MAZ: variants seen among roughly 807,000 people sequenced by gnomAD.
MAZ encodes myc-associated zinc finger protein.
Under a neutral mutation model 32.7 loss-of-function variants are expected in MAZ, and 4 were observed. That is an observed-to-expected ratio of 0.12 (90% confidence interval 0.06 to 0.28). The LOEUF is 0.28. MAZ is among the 10% of genes least tolerant of loss of function. MAZ has a pLI of 1.00. For synonymous variants in MAZ, 510 were observed against 297.6 expected (o/e 1.71, Z -7.35); for missense variants, 763 against 667.2 (o/e 1.14, Z -1.58).
rs553191934 is a variant in MAZ at position 29,810,214 on chromosome 16, C to T, written c.1417C>T (p.Pro473Ser). Residue 473 changes from proline (P) to serine (S), a missense_variant, in exon 5 of 5, where the codon CCC becomes TCC. Physicochemically the swap from Pro to Ser is moderately conservative, Grantham distance 74. Coordinates refer to ENST00000322945, the MANE Select transcript of MAZ (RefSeq NM_002383.4). ...EGVPVSSQPL[P>S]SQPW ...GGTGCCTGTGAGCTCTCAGCCACTT[C>T]CCTCCCAACCCTGGTGAGCTCCAAG... 15 of 1,594,332 alleles carry T rather than the reference C, an allele frequency of 9.4e-6. No individual in the cohort carries two copies. In the African/African-American group the frequency reaches 1.3e-4, roughly 14 times the overall value.
intron 3 of MAZ, 50 bp downstream of exon 3, chr16:29,808,343 T>G (rs747486713): frequency 4.0e-5 from 62 of 1,561,892 alleles, no homozygotes; most frequent in Non-Finnish European, 5.0e-5. Flanking sequence ...TTGATCCTCA[T>G]GGTAGCTGTC....
In MAZ at chr16:29,807,174, C is replaced by T. The variant is rs1899548815; in HGVS notation, c.389C>T (p.Pro130Leu). ...GTGGACACAGCGGCCCTGAAGCAGC[C>T]TCCGGCGCCCCCTCCGCCACCCCCG... ...STVDTAALKQ[P>L]PAPPPPPPPV... The change falls in exon 2 of 5, where the codon CCT becomes CTT. Residue 130 changes from proline (P) to leucine (L), a missense_variant. By Grantham distance (98) the Pro-to-Leu change is moderately conservative (BLOSUM62 -3). Transcript: ENST00000322945. 6.3e-6 allele frequency: 7 copies of T among 1,119,624 alleles called. No homozygotes were observed. The highest frequency in any genetic ancestry group is 3.4e-4 in the Middle Eastern group (1 of 2,904). The allele number at this position is 1,119,624 out of a possible 1,614,324, so 69.4% of individuals were successfully genotyped here.
chr16:29,807,985 G>A (rs749040100), intron 2 of MAZ, 157 bp downstream of exon 2: 2 of 1,352,424 alleles, frequency 1.5e-6, no homozygotes, highest in Non-Finnish European at 9.9e-7. Context: ...CGGTTACCAG[G>A]GAGCAAGGGG....
chr16:29,807,157 A>T lies in MAZ; in HGVS notation c.372A>T (p.Thr124=). Residue 124 remains threonine (T), a synonymous_variant, in exon 2 of 5, where the codon ACA becomes ACT. Coordinates refer to ENST00000322945, the MANE Select transcript of MAZ (RefSeq NM_002383.4). The part of the protein sequence containing the change: ...PAPAAASTVD[T]AALKQPPAPP... ...CTGCCGCCGCCTCTACGGTGGACAC[A>T]GCGGCCCTGAAGCAGCCTCCGGCGC... The T allele has an allele frequency of 9.4e-7, 1 of 1,068,280 alleles. No homozygotes were observed. The highest frequency in any genetic ancestry group is 1.2e-6 in the Non-Finnish European group (1 of 858,816). The allele number at this position is 1,068,280 out of a possible 1,614,324, so 66.2% of individuals were successfully genotyped here.
Position 29,810,150 on chromosome 16 carries a change from C to T in MAZ, c.1353C>T (p.Ala451=), listed in dbSNP as rs777594577. ...CGGCAGCAGCGGCAGCAGTAGCAGC[C>T]CCTCCCACAGCTGTGGGCTCCCTCT... ...AAAAAAAAVA[A]PPTAVGSLSG... Residue 451 remains alanine (A), a synonymous_variant, in exon 5 of 5, where the codon GCC becomes GCT. Transcript: ENST00000322945. The T allele has an allele frequency of 4.2e-5, 68 of 1,609,318 alleles. No individual in the cohort carries two copies. The highest frequency in any genetic ancestry group is 5.6e-5 in the Non-Finnish European group (66 of 1,177,340).
Position 29,808,766 on chromosome 16 carries a change from G to A in MAZ, c.1279+25G>A, listed in dbSNP as rs757312337. 4 of 1,610,050 alleles carry A rather than the reference G, an allele frequency of 2.5e-6. No homozygotes were observed. In the South Asian group the frequency reaches 4.4e-5, roughly 18 times the overall value. On this transcript the variant is annotated intron_variant, in intron 4 of 4. Coordinates refer to ENST00000322945, the MANE Select transcript of MAZ (RefSeq NM_002383.4). ...GGTACATGCCGAGGGCTGCCGGGAGGGCCAGGGGCAGAGGGTGGGCGCCTG... is the reference window on the plus strand; with the variant it reads ...GGTACATGCCGAGGGCTGCCGGGAGAGCCAGGGGCAGAGGGTGGGCGCCTG...
In MAZ at chr16:29,808,537, G is replaced by A. The variant is rs765301851; in HGVS notation, c.1108-33G>A. 8 of 1,453,128 alleles carry A rather than the reference G, an allele frequency of 5.5e-6. No homozygotes were observed. The East Asian group carries it at 1.7e-4, about 31-fold the overall frequency. The allele number at this position is 1,453,128 out of a possible 1,614,324, so 90.0% of individuals were successfully genotyped here. A position where few individuals can be genotyped will look rare whatever the true frequency, so the allele number is the denominator to read the frequency against. On this transcript the variant is annotated intron_variant, in intron 3 of 4. Transcript: ENST00000322945. ...CAGCCCACCAAGCTTTAACTCTCCT[G>A]TGACACCCCCCACGCCCCTCCCCCC...
chr16:29,810,637 C>G lies in MAZ; in HGVS notation c.*406C>G, dbSNP rs1421149737. ...CTCCCCCTGCTGTCTGCAGCCCCTC[C>G]CCGGGGAGTTGGTGCTTTCTTTTCC... On this transcript the variant is annotated 3_prime_UTR_variant, in exon 5 of 5. Transcript: ENST00000322945. 1 of 615,026 alleles carries G rather than the reference C, an allele frequency of 1.6e-6. No individual in the cohort carries two copies. The highest frequency in any genetic ancestry group is 1.9e-5 in the African/African-American group (1 of 53,314). 38.1% of individuals were successfully genotyped at this position (615,026 alleles called of 1,614,324 possible).
chr16:29,809,120 T>C, intron 4 of MAZ: 1 of 509,900 alleles, frequency 2.0e-6, no homozygotes, highest in African/African-American at 2.0e-5. Context: ...GGCCGGGCTT[T>C]ACCAGCACGC....
chr16:29,808,053 G>A, intron 2 of MAZ, 177 bp from the exon 3 acceptor site: 1 of 967,382 alleles, frequency 1.0e-6, no homozygotes. Context: ...GTGGGAGGAG[G>A]CGGCGGCGGC....
Position 29,808,217 on chromosome 16 carries a change from A to G in MAZ, c.1044-13A>G. 1.2e-6 allele frequency: 2 copies of G among 1,613,484 alleles called. No homozygotes were observed. Among genetic ancestry groups the G allele is most frequent in the Non-Finnish European group, 1.7e-6 (2 of 1,179,516 alleles). On this transcript the variant is annotated splice_polypyrimidine_tract_variant and intron_variant, in intron 2 of 4. Coordinates refer to ENST00000322945, the MANE Select transcript of MAZ (RefSeq NM_002383.4). ...CCACCTCCGCCCTAACCCCAACCCCAACGTGTCCCCAGGCCGGATCACCTC... is the reference window on the plus strand; with the variant it reads ...CCACCTCCGCCCTAACCCCAACCCCGACGTGTCCCCAGGCCGGATCACCTC...
Position 29,807,255 on chromosome 16 carries a change from C to T in MAZ, c.470C>T (p.Ala157Val), listed in dbSNP as rs1243637792. The change falls in exon 2 of 5, where the codon GCC becomes GTC. Residue 157 changes from alanine to valine, a missense_variant. Coordinates refer to ENST00000322945, the MANE Select transcript of MAZ (RefSeq NM_002383.4). Reference protein sequence around the residue: ...AAPPASAATIAAAAATAVVAP... With the variant: ...AAPPASAATIVAAAATAVVAP... ...CCCCCCGCCTCCGCCGCCACTATCG[C>T]CGCGGCGGCGGCCACCGCCGTCGTA... The T allele has an allele frequency of 1.4e-6, 2 of 1,441,278 alleles. No homozygotes were observed. The highest frequency in any genetic ancestry group is 2.6e-5 in the Admixed American group (1 of 39,196). The allele number at this position is 1,441,278 out of a possible 1,614,324, so 89.3% of individuals were successfully genotyped here. A position where few individuals can be genotyped will look rare whatever the true frequency, so the allele number is the denominator to read the frequency against.
chr16:29,807,539 G>C lies in MAZ; in HGVS notation c.754G>C (p.Gly252Arg). Residue 252 changes from glycine (G) to arginine (R), a missense_variant, in exon 2 of 5, where the codon GGT (glycine) becomes CGT (arginine). By Grantham distance (125) the Gly-to-Arg change is moderately radical. Coordinates refer to ENST00000322945, the MANE Select transcript of MAZ (RefSeq NM_002383.4). The stretch of plus-strand genomic sequence containing the variant: ...AGCCGGCGGGGGAGGGGGAGAGGCG[G>C]GTGCCGGCGGCGGCGCTGCCGCAGT... ...SGAGGGGGEAGAGGGAAAVAA... is the reference protein window; with the variant it reads ...SGAGGGGGEARAGGGAAAVAA... The C allele has an allele frequency of 6.2e-7, 1 of 1,602,172 alleles. No individual in the cohort carries two copies. The highest frequency in any genetic ancestry group is 8.5e-7 in the Non-Finnish European group (1 of 1,175,696).
chr16:29,809,078 G>C (rs964047674), intron 4 of MAZ: 2 of 525,480 alleles, frequency 3.8e-6, no homozygotes, highest in East Asian at 3.2e-5. Context: ...ACAAGGTCTT[G>C]TCTCCAGCTC....
In MAZ at chr16:29,810,746, G is replaced by A; in HGVS notation, c.*515G>A. ...AAAGAGGGAAAGCGGTGAGGTTTGAGGAGGGGCAGAAGCAGGGCCGGCAAA... is the reference window on the plus strand; with the variant it reads ...AAAGAGGGAAAGCGGTGAGGTTTGAAGAGGGGCAGAAGCAGGGCCGGCAAA... On this transcript the variant is annotated 3_prime_UTR_variant, in exon 5 of 5. Coordinates refer to ENST00000322945, the MANE Select transcript of MAZ (RefSeq NM_002383.4). 2.6e-6 allele frequency: 1 copy of A among 390,258 alleles called. No individual in the cohort carries two copies. The allele number at this position is 390,258 out of a possible 1,614,324, so 24.2% of individuals were successfully genotyped here.
In MAZ at chr16:29,807,664, C is replaced by T. The variant is rs753809252; in HGVS notation, c.879C>T (p.His293=). The change falls in exon 2 of 5, where the codon CAC becomes CAT. Residue 293 remains histidine, a synonymous_variant. Coordinates refer to ENST00000322945, the MANE Select transcript of MAZ (RefSeq NM_002383.4). The stretch of plus-strand genomic sequence containing the variant: ...GCAAGGCCTTCCGCGACGTCTACCA[C>T]CTGAACCGACACAAGCTGTCGCACT... ...MCGKAFRDVY[H]LNRHKLSHSD... The T allele has an allele frequency of 5.6e-6, 9 of 1,612,918 alleles. No individual in the cohort carries two copies. The highest frequency in any genetic ancestry group is 2.2e-5 in the South Asian group (2 of 91,088).
Position 29,808,688 on chromosome 16 carries a change from A to C in MAZ, c.1226A>C (p.His409Pro). 1.9e-6 allele frequency: 3 copies of C among 1,613,958 alleles called. No individual in the cohort carries two copies. Among genetic ancestry groups the C allele is most frequent in the Non-Finnish European group, 2.5e-6 (3 of 1,179,986 alleles). The change falls in exon 4 of 5, where the codon CAC becomes CCC. Residue 409 changes from histidine to proline, a missense_variant. By Grantham distance (77) the His-to-Pro change is moderately conservative. Coordinates refer to ENST00000322945, the MANE Select transcript of MAZ (RefSeq NM_002383.4). Reference protein sequence around the residue: ...KMLSSAYISDHMKVHSQGPHH... With the variant: ...KMLSSAYISDPMKVHSQGPHH... ...CTGAGCTCGGCTTATATTTCGGACC[A>C]CATGAAGGTGCACAGCCAGGGTCCT...
intron 1 of MAZ, 35 bp downstream of exon 1, chr16:29,806,928 G>C: frequency 8.1e-7 from 1 of 1,237,370 alleles, no homozygotes; most frequent in African/African-American, 1.6e-5. Context: ...CCGGGCTGGG[G>C]GGGGACGCCC....
In MAZ at chr16:29,806,857, C is replaced by T. The variant is rs774752780; in HGVS notation, c.156C>T (p.Phe52=). 5.5e-6 allele frequency: 8 copies of T among 1,442,286 alleles called. No homozygotes were observed. In the African/African-American group the frequency reaches 1.1e-4, roughly 19 times the overall value. 89.3% of individuals were successfully genotyped at this position (1,442,286 alleles called of 1,614,324 possible). A position where few individuals can be genotyped will look rare whatever the true frequency, so the allele number is the denominator to read the frequency against. ...TCGGGGCTGAGCTCCAGTCCCGCTT[C>T]TTTGCCTCCCAGGGCTGCGCCCAGA... ...LQVGAELQSR[F]FASQGCAQSP... is the part of the protein sequence containing the mutation. Residue 52 remains phenylalanine (F), a synonymous_variant, in exon 1 of 5, where the codon TTC becomes TTT. Transcript: ENST00000322945.
Sources: gnomAD v4.1 joint callset for allele counts on GRCh38, gnomAD v4.1.1 for gene constraint, MANE v1.5 for transcripts, NCBI Gene and HGNC (gene_info 2026-07-23, HGNC 2026-07-21) for gene names.